Variants in FAM107A observed in about 807,000 individuals in gnomAD.
The protein encoded by FAM107A is family with sequence similarity 107 member A.
In FAM107A, 19 loss-of-function variants were observed where a neutral mutation model predicts 13.7. That is an observed-to-expected ratio of 1.38 (90% CI 0.97 to 2.03). FAM107A has a LOEUF of 2.03. Among genes scored for constraint, FAM107A ranks in the 30% most tolerant of loss-of-function variants. FAM107A has a pLI of 0.00. For synonymous variants in FAM107A, 82 were observed against 74.5 expected (o/e 1.10, Z -0.52); for missense variants, 203 against 184.4 (o/e 1.10, Z -0.58).
At chr3:58,618,686 T>G (rs35212018) in intron 1 of FAM107A, among the ~76,000 whole-genome samples, 3 of 152,058 alleles carry the variant, frequency 2.0e-5, no homozygotes, top group African/African-American at 4.8e-5. Context: ...GGCCCGAGGA[T>G]GGGGGGAAGG....
intron 1 of FAM107A, among the ~76,000 whole-genome samples, chr3:58,605,961 A>C (rs1169329604): frequency 6.6e-6 from 1 of 152,236 alleles, no homozygotes; most frequent in African/African-American, 2.4e-5. Context: ...TCACCAAGGC[A>C]GCAGCATTTT....
chr3:58,582,818 G>A (rs951504994), intron 1 of FAM107A, among the ~76,000 whole-genome samples: 5 of 152,208 alleles, frequency 3.3e-5, no homozygotes, highest in Non-Finnish European at 7.3e-5. Context: ...TTGTTTGTTT[G>A]AGACAGAGTC....
chr3:58,619,343 G>A (rs984390179), intron 1 of FAM107A, among the ~76,000 whole-genome samples: 6 of 152,090 alleles, frequency 3.9e-5, no homozygotes, highest in African/African-American at 1.2e-4. Flanking sequence ...GGCATGGCAG[G>A]GTAAGTGCAG....
At chr3:58,578,013 C>A (rs887827679), upstream of FAM107A, among the ~76,000 whole-genome samples, 5 of 152,176 alleles carry the variant, frequency 3.3e-5, no homozygotes, top group African/African-American at 1.2e-4. Context: ...GCTCCAGCAC[C>A]AGCCCCTTCA....
Position 58,597,706 on chromosome 3 carries a change from T to C in FAM107A, c.-69-8437A>G, listed in dbSNP as rs995720878. Reference sequence around the variant, plus strand: ...AGGCACTGTGACATGACTACCGATATGGTCTCATTTAAACCTCATGAAAGT... The same window carrying C: ...AGGCACTGTGACATGACTACCGATACGGTCTCATTTAAACCTCATGAAAGT... On this transcript the variant is annotated intron_variant, in intron 1 of 3. Coordinates refer to the FAM107A transcript ENST00000465970. 5.3e-5 allele frequency among the ~76,000 whole-genome samples: 8 copies of C among 152,362 alleles called. No individual in the cohort carries two copies. The South Asian group carries it at 8.3e-4, about 16-fold the overall frequency.
rs1294523947 is a variant in FAM107A at position 58,565,388 on chromosome 3, A to G, written c.*1200T>C. ...CTATTCCAGAAGCCTACTGAAAATCATTGTATATTTGCTTTCCATAAGACT... is the reference window on the plus strand; with the variant it reads ...CTATTCCAGAAGCCTACTGAAAATCGTTGTATATTTGCTTTCCATAAGACT... On this transcript the variant is annotated 3_prime_UTR_variant, in exon 4 of 4. Coordinates refer to ENST00000360997, the MANE Select transcript of FAM107A (RefSeq NM_001076778.3). The G allele has an allele frequency of 6.9e-6, 1 of 145,868 alleles. No individual in the cohort carries two copies. The highest frequency in any genetic ancestry group is 1.5e-5 in the Non-Finnish European group (1 of 66,818). 9.0% of individuals were successfully genotyped at this position (145,868 alleles called of 1,614,324 possible). A position where few individuals can be genotyped will look rare whatever the true frequency, so the allele number is the denominator to read the frequency against.
chr3:58,603,561 G>A (rs1384939740), intron 1 of FAM107A, among the ~76,000 whole-genome samples: 1 of 152,142 alleles, frequency 6.6e-6, no homozygotes, highest in Non-Finnish European at 1.5e-5. Flanking sequence ...CTAGCCTCAG[G>A]GGGATGCCGT....
chr3:58,577,229 G>T lies in FAM107A; in HGVS notation c.-6+80C>A. Reference sequence around the variant, plus strand: ...CTGACAGCCCACTTCAGTGTACCGGGTCTGCCCTCCTTCCCTTCCACCTCC... The same window carrying T: ...CTGACAGCCCACTTCAGTGTACCGGTTCTGCCCTCCTTCCCTTCCACCTCC... On this transcript the variant is annotated intron_variant, in intron 1 of 3. Coordinates refer to ENST00000360997, the MANE Select transcript of FAM107A (RefSeq NM_001076778.3). The surrounding 1 kb of genome is among the most constrained non-coding windows in gnomAD (Gnocchi z 4.9). 9 of 674,736 alleles carry T rather than the reference G, an allele frequency of 1.3e-5. No homozygotes were observed. The highest frequency in any genetic ancestry group is 1.6e-5 in the Non-Finnish European group (9 of 546,038). The allele number at this position is 674,736 out of a possible 1,614,324, so 41.8% of individuals were successfully genotyped here.
At chr3:58,594,876 A>T (rs563823548) in intron 1 of FAM107A, among the ~76,000 whole-genome samples, 48 of 152,286 alleles carry the variant, frequency 3.2e-4, no homozygotes, top group Admixed American at 3.1e-3. Flanking sequence ...CAAACAGATA[A>T]TTACACTGAA....
intron 1 of FAM107A, among the ~76,000 whole-genome samples, chr3:58,600,995 C>T (rs2065748647): frequency 6.6e-6 from 1 of 152,138 alleles, no homozygotes; most frequent in Admixed American, 6.5e-5. Context: ...GACTCAGGTT[C>T]CTCGTGTATA....
intron 1 of FAM107A, among the ~76,000 whole-genome samples, chr3:58,624,287 A>AC (rs901978769): frequency 6.6e-6 from 1 of 151,904 alleles, no homozygotes; most frequent in Non-Finnish European, 1.5e-5. Context: ...TCTTGCAAAA[A>AC]CCCTGATAGA....
intron 1 of FAM107A, among the ~76,000 whole-genome samples, chr3:58,574,803 G>T (rs948993554): frequency 6.6e-6 from 1 of 152,186 alleles, no homozygotes; most frequent in Non-Finnish European, 1.5e-5. Context: ...TGACCCAAGA[G>T]GTCCCAGAGC....
At chr3:58,578,162 A>G (rs1193839865), upstream of FAM107A, among the ~76,000 whole-genome samples, 1 of 152,238 alleles carries the variant, frequency 6.6e-6, no homozygotes, top group African/African-American at 2.4e-5. Flanking sequence ...CTTTTCTCCA[A>G]GAGAGACCTG....
chr3:58,610,056 A>G (rs758239499), intron 1 of FAM107A, among the ~76,000 whole-genome samples: 9 of 152,150 alleles, frequency 5.9e-5, no homozygotes, highest in Non-Finnish European at 1.2e-4. Context: ...TCCCTTCTGG[A>G]GACTGATTTG....
chr3:58,580,388 T>C (rs952070672), upstream of FAM107A, among the ~76,000 whole-genome samples: 1 of 149,814 alleles, frequency 6.7e-6, no homozygotes, highest in African/African-American at 2.5e-5. Flanking sequence ...TTTTTTTTCC[T>C]AGGGAGGAAC....
chr3:58,583,098 C>A (rs142295766), intron 1 of FAM107A, among the ~76,000 whole-genome samples: 2 of 151,996 alleles, frequency 1.3e-5, no homozygotes, highest in African/African-American at 4.8e-5. Context: ...TGTGCCCGGC[C>A]GAGCATTCAA....
At chr3:58,619,202 T>G (rs111533921) in intron 1 of FAM107A, among the ~76,000 whole-genome samples, 5 of 152,136 alleles carry the variant, frequency 3.3e-5, no homozygotes, top group African/African-American at 1.2e-4. Context: ...GGTCTCACTA[T>G]TTTGCCCAGG....
intron 1 of FAM107A, among the ~76,000 whole-genome samples, chr3:58,612,677 T>C (rs2065865745): frequency 6.6e-6 from 1 of 152,112 alleles, no homozygotes; most frequent in South Asian, 2.1e-4. Flanking sequence ...CTGATTTTTC[T>C]ACAATAATAA....
intron 1 of FAM107A, among the ~76,000 whole-genome samples, chr3:58,593,957 T>C (rs1575449246): frequency 1.3e-5 from 2 of 152,224 alleles, no homozygotes; most frequent in Middle Eastern, 6.8e-3. Flanking sequence ...TTTCTCCTTA[T>C]GTCAGTTCCA....
Sources: gnomAD v4.1 joint callset for allele counts (sites outside exome capture counted in the v4.1 genomes callset) on GRCh38, gnomAD v4.1.1 for gene constraint, Gnocchi (gnomAD v3.1) non-coding constraint, MANE v1.5 for transcripts, NCBI Gene and HGNC (gene_info 2026-07-23, HGNC 2026-07-21) for gene names.